Variants in CCSER1 observed in about 807,000 individuals in gnomAD.
CCSER1 encodes the protein serine-rich coiled-coil domain-containing protein 1.
In CCSER1, 41 loss-of-function variants were observed where a neutral mutation model predicts 82.0. The ratio of observed to expected loss-of-function variants is 0.50; its 90% CI spans 0.39 to 0.65. The LOEUF (loss-of-function observed/expected upper bound fraction) is 0.65, where lower values mean the gene tolerates loss of function less well. Among genes scored for constraint, CCSER1 ranks in the 30% least tolerant of loss-of-function variants. The pLI is 0.00. For synonymous variants in CCSER1, 414 were observed against 383.9 expected, an observed-to-expected ratio of 1.08 and a Z score of -0.92; for missense variants, 1,119 against 1,064.2, an observed-to-expected ratio of 1.05 and a Z score of -0.72.
intron 4 of CCSER1, among the ~76,000 whole-genome samples, chr4:90,425,941 G>T (rs558203167): frequency 6.6e-6 from 1 of 152,112 alleles, no homozygotes; most frequent in Admixed American, 6.5e-5. Context: ...AAACGTTAAT[G>T]AAGAAAAGAG....
intron 1 of CCSER1, among the ~76,000 whole-genome samples, chr4:90,263,818 T>A (rs1724763728): frequency 6.6e-6 from 1 of 152,218 alleles, no homozygotes; most frequent in African/African-American, 2.4e-5. Flanking sequence ...TGGAGGGGCA[T>A]GGCCAACTGC....
chr4:90,145,167 A>C lies in CCSER1; in HGVS notation c.-42+17336A>C, dbSNP rs553800224. ...TATTTTTATGTTACTTTCTACCTTTAAAATATTCTAATCTCATAGGCCCCA... is the reference window on the plus strand; with the variant it reads ...TATTTTTATGTTACTTTCTACCTTTCAAATATTCTAATCTCATAGGCCCCA... On this transcript the variant is annotated intron_variant, in intron 1 of 10. Coordinates refer to ENST00000509176, the MANE Select transcript of CCSER1 (RefSeq NM_001145065.2). Among the ~76,000 whole-genome samples, 14 of 152,264 alleles carry C rather than the reference A, an allele frequency of 9.2e-5. 1 individual carries two copies. The South Asian group carries it at 2.9e-3, about 32-fold the overall frequency.
chr4:90,374,157 T>A (rs2153527381), intron 3 of CCSER1, among the ~76,000 whole-genome samples: 1 of 152,270 alleles, frequency 6.6e-6, no homozygotes, highest in South Asian at 2.1e-4. Context: ...AAATAAAAAA[T>A]GTTTTATTTC....
In CCSER1 at chr4:90,384,361, A is replaced by G. The variant is rs1007888899; in HGVS notation, c.1510-15675A>G. Among the ~76,000 whole-genome samples, 7 of 146,148 alleles carry G rather than the reference A, an allele frequency of 4.8e-5. 1 individual carries two copies. Among genetic ancestry groups the G allele is most frequent in the African/African-American group, 1.8e-4 (7 of 39,374 alleles). On this transcript the variant is annotated intron_variant, in intron 3 of 10. Transcript: ENST00000509176. ...TTCTCAGCAAACTATCACAAGGACA[A>G]AAAACAAATCACCACATGTTCTCAC... is the stretch of plus-strand genomic sequence containing the variant.
At chr4:90,769,406 C>T (rs951513462) in intron 7 of CCSER1, among the ~76,000 whole-genome samples, 1 of 152,132 alleles carries the variant, frequency 6.6e-6, no homozygotes, top group Non-Finnish European at 1.5e-5. Context: ...GAGAGCTGCT[C>T]AACTGAATGA....
Position 91,604,426 on chromosome 4 carries a change from C to T in CCSER1, c.*5369C>T, listed in dbSNP as rs937214841. 2.6e-5 allele frequency: 4 copies of T among 152,172 alleles called. No homozygotes were observed. Among genetic ancestry groups the T allele is most frequent in the African/African-American group, 9.6e-5 (4 of 41,546 alleles). The allele number at this position is 152,172 out of a possible 1,614,324, so 9.4% of individuals were successfully genotyped here. ...TGACATTTAATAAATACAGAATTTTCAGAGGGCATCTCTTCTATTTCAAGG... is the reference window on the plus strand; with the variant it reads ...TGACATTTAATAAATACAGAATTTTTAGAGGGCATCTCTTCTATTTCAAGG... On this transcript the variant is annotated 3_prime_UTR_variant, in exon 11 of 11. Coordinates refer to ENST00000509176, the MANE Select transcript of CCSER1 (RefSeq NM_001145065.2).
At chr4:91,332,123 G>A (rs555757307) in intron 10 of CCSER1, among the ~76,000 whole-genome samples, 25 of 151,944 alleles carry the variant, frequency 1.6e-4, no homozygotes, top group South Asian at 1.0e-3. Flanking sequence ...AAATCATTTC[G>A]AATGCTCATT....
chr4:90,722,456 C>G (rs1355330116), intron 6 of CCSER1, among the ~76,000 whole-genome samples: 2 of 151,894 alleles, frequency 1.3e-5, no homozygotes, highest in Middle Eastern at 3.4e-3. Flanking sequence ...CCTTGTTTCT[C>G]TATTATGTCA....
intron 3 of CCSER1, among the ~76,000 whole-genome samples, chr4:90,326,163 A>G (rs1162449761): frequency 2.1e-5 from 3 of 144,024 alleles, no homozygotes; most frequent in African/African-American, 7.8e-5. Flanking sequence ...GGTTCAGGCC[A>G]TTCTCCTGCC....
intron 1 of CCSER1, among the ~76,000 whole-genome samples, chr4:90,254,530 G>C (rs956097470): frequency 5.9e-5 from 9 of 152,154 alleles, no homozygotes; most frequent in African/African-American, 2.2e-4. Context: ...TAGAGGAAAG[G>C]AACAGGGATC....
intron 3 of CCSER1, among the ~76,000 whole-genome samples, chr4:90,399,152 A>G (rs1041783262): frequency 6.6e-6 from 1 of 152,088 alleles, no homozygotes; most frequent in Non-Finnish European, 1.5e-5. Context: ...TAATATACTT[A>G]TCACCCATTT....
At chr4:90,851,176 T>C (rs1281091025) in intron 8 of CCSER1, among the ~76,000 whole-genome samples, 1 of 152,202 alleles carries the variant, frequency 6.6e-6, no homozygotes, top group Non-Finnish European at 1.5e-5. Flanking sequence ...CTTTTTTCTT[T>C]ATAAATTACC....
rs116261077 is a variant in CCSER1, at chr4:91,602,386, T to G, written c.*3329T>G. ...TCTCCAGAAAAAAGTTTTTAAAAATTATTATGATATATTTAAGATTCACAT... is the reference window on the plus strand; with the variant it reads ...TCTCCAGAAAAAAGTTTTTAAAAATGATTATGATATATTTAAGATTCACAT... On this transcript the variant is annotated 3_prime_UTR_variant, in exon 11 of 11. Coordinates refer to ENST00000509176, the MANE Select transcript of CCSER1 (RefSeq NM_001145065.2). 6.5e-3 allele frequency among the ~76,000 whole-genome samples: 982 copies of G among 152,070 alleles called. 5 individuals carry two copies. Among genetic ancestry groups the G allele is most frequent in the African/African-American group, 0.017 (716 of 41,512 alleles).
chr4:91,148,170 A>T (rs566611580), intron 10 of CCSER1, among the ~76,000 whole-genome samples: 1 of 152,308 alleles, frequency 6.6e-6, no homozygotes, highest in African/African-American at 2.4e-5. Flanking sequence ...AACCTTTATC[A>T]TAGCAACCCT....
chr4:90,865,998 G>A (rs75464916), intron 8 of CCSER1, among the ~76,000 whole-genome samples: 2,811 of 151,980 alleles, frequency 0.018, 93 homozygotes, highest in African/African-American at 0.062. Flanking sequence ...GAGGAAGAGG[G>A]AAGCCAGATT....
chr4:91,382,301 A>G (rs1010691211), intron 10 of CCSER1, among the ~76,000 whole-genome samples: 2 of 152,142 alleles, frequency 1.3e-5, no homozygotes, highest in African/African-American at 4.8e-5. Flanking sequence ...GCCTGCCCCC[A>G]TGGGTAGAGT....
intron 5 of CCSER1, among the ~76,000 whole-genome samples, chr4:90,541,850 A>C (rs1302028132): frequency 6.6e-6 from 1 of 152,042 alleles, no homozygotes; most frequent in Non-Finnish European, 1.5e-5. Flanking sequence ...TACTGCCACA[A>C]ATTCTTTTCC....
At chr4:90,335,023 G>A (rs1383049279) in intron 3 of CCSER1, among the ~76,000 whole-genome samples, 3 of 152,152 alleles carry the variant, frequency 2.0e-5, no homozygotes, top group Non-Finnish European at 4.4e-5. Flanking sequence ...TGTAGGCAGT[G>A]GATGTGACTA....
chr4:91,474,521 C>G (rs1387461827), intron 10 of CCSER1, among the ~76,000 whole-genome samples: 2 of 151,210 alleles, frequency 1.3e-5, no homozygotes, highest in Non-Finnish European at 3.0e-5. Flanking sequence ...ATAATGATTA[C>G]ATCAATTTTT....
Sources: allele counts gnomAD v4.1 joint callset (sites outside exome capture counted in the v4.1 genomes callset), GRCh38; gene constraint gnomAD v4.1.1; transcripts MANE v1.5; gene names NCBI Gene and HGNC (gene_info 2026-07-23, HGNC 2026-07-21).